The following PAMR1 variants were observed in gnomAD, a reference collection of about 807,000 sequenced individuals.
PAMR1 encodes peptidase domain containing associated with muscle regeneration 1.
Under a neutral mutation model 81.8 loss-of-function variants are expected in PAMR1, and 88 were observed. The ratio of observed to expected loss-of-function variants is 1.08; its 90% confidence interval spans 0.91 to 1.28. The LOEUF (loss-of-function observed/expected upper bound fraction) is 1.28, where lower values mean the gene tolerates loss of function less well. PAMR1 is among the 50% of genes most tolerant of loss of function. The pLI is 0.00. For synonymous variants in PAMR1, 336 were observed against 345.3 expected (o/e 0.97, Z 0.30); for missense variants, 935 against 919.7 (o/e 1.02, Z -0.21).
intron 1 of PAMR1, among the ~76,000 whole-genome samples, chr11:35,516,612 G>A (rs1044076812): frequency 2.0e-5 from 3 of 152,188 alleles, no homozygotes; most frequent in African/African-American, 4.8e-5. Flanking sequence ...ATTTAGCGAA[G>A]GCAGGAATAA....
intron 3 of PAMR1, among the ~76,000 whole-genome samples, chr11:35,490,597 G>A (rs1850603817): frequency 6.6e-6 from 1 of 152,146 alleles, no homozygotes; most frequent in Non-Finnish European, 1.5e-5. Flanking sequence ...GGCCAGCCTG[G>A]GCAACATAGT....
chr11:35,507,039 CTT>C (rs71044524), intron 1 of PAMR1, among the ~76,000 whole-genome samples: 8 of 86,838 alleles, frequency 9.2e-5, no homozygotes, highest in East Asian at 3.2e-4. Flanking sequence ...AATAGCCTGA[CTT>C]TTTTTTTTTT....
intron 6 of PAMR1, among the ~76,000 whole-genome samples, chr11:35,467,353 T>G (rs572692743): frequency 6.6e-6 from 1 of 152,178 alleles, no homozygotes; most frequent in Non-Finnish European, 1.5e-5. Flanking sequence ...CCTAGGAGAC[T>G]CTCTGTCCTC....
intron 4 of PAMR1, among the ~76,000 whole-genome samples, chr11:35,474,334 C>T (rs1222537232): frequency 6.6e-6 from 1 of 152,184 alleles, no homozygotes; most frequent in Non-Finnish European, 1.5e-5. Flanking sequence ...CAGCCCAGTC[C>T]GAGTAAGTAG....
At chr11:35,513,545 C>T (rs1461941856) in intron 1 of PAMR1, 1 of 152,198 alleles carries the variant, frequency 6.6e-6, no homozygotes, top group East Asian at 1.9e-4. Flanking sequence ...ATGCCGAGTG[C>T]TTTCCGTGTG....
intron 6 of PAMR1, among the ~76,000 whole-genome samples, chr11:35,457,205 C>G (rs1289030442): frequency 2.6e-5 from 4 of 152,152 alleles, no homozygotes; most frequent in African/African-American, 9.7e-5. Context: ...AAGGATTGCT[C>G]TCCCCCAGTG....
At chr11:35,519,559 C>T (rs187711410) in intron 1 of PAMR1, among the ~76,000 whole-genome samples, 1 of 152,324 alleles carries the variant, frequency 6.6e-6, no homozygotes, top group Non-Finnish European at 1.5e-5. Flanking sequence ...AGGTACATGA[C>T]ACCATGGACA....
intron 3 of PAMR1, among the ~76,000 whole-genome samples, chr11:35,485,791 G>C: frequency 1.5e-5 from 1 of 65,324 alleles, no homozygotes; most frequent in East Asian, 3.8e-4. Flanking sequence ...GCTCTGTATG[G>C]TACTCAGGAA....
At position 35,525,538 on chromosome 11, in the gene PAMR1, G is replaced by T; in HGVS notation, c.48C>A (p.Leu16=). Residue 16 remains leucine, a synonymous_variant, in exon 1 of 11, where the codon CTC becomes CTA. Transcript: ENST00000619888. The part of the protein sequence containing the change: ...WTQLGLTFLQ[L]LLISSLPREY... ...CTCTTGGCAAGGACGAGATGAGAAGGAGCTGAAGAAAAGTGAGCCCCAACT... is the reference window on the plus strand; with the variant it reads ...CTCTTGGCAAGGACGAGATGAGAAGTAGCTGAAGAAAAGTGAGCCCCAACT... 2 of 1,614,052 alleles carry T rather than the reference G, an allele frequency of 1.2e-6. No individual in the cohort carries two copies. Among genetic ancestry groups the T allele is most frequent in the Non-Finnish European group, 1.7e-6 (2 of 1,179,950 alleles).
At position 35,492,721 on chromosome 11, in the gene PAMR1, C is replaced by T. The variant is rs118005130; in HGVS notation, c.251-548G>A. On this transcript the variant is annotated intron_variant, in intron 2 of 10. Coordinates refer to ENST00000619888, the MANE Select transcript of PAMR1 (RefSeq NM_001001991.3). ...ATATACTTCCGTAATGAAAGCATGC[C>T]ATTGGAAACAACTCTCCTGTCTAAC... Among the ~76,000 whole-genome samples, 22 of 152,196 alleles carry T rather than the reference C, an allele frequency of 1.4e-4. No homozygotes were observed. In the East Asian group the frequency reaches 4.3e-3, roughly 29 times the overall value.
At chr11:35,501,751 A>C (rs1273655258) in intron 1 of PAMR1, among the ~76,000 whole-genome samples, 2 of 152,164 alleles carry the variant, frequency 1.3e-5, no homozygotes, top group Non-Finnish European at 2.9e-5. Flanking sequence ...ATGTAGCTGC[A>C]AATAAGAGGA....
intron 6 of PAMR1, among the ~76,000 whole-genome samples, chr11:35,463,053 G>A (rs148053737): frequency 2.6e-4 from 39 of 152,328 alleles, no homozygotes; most frequent in East Asian, 3.9e-4. Context: ...GCATCTGTCC[G>A]TGATGGGAGA....
intron 3 of PAMR1, among the ~76,000 whole-genome samples, chr11:35,491,210 C>T (rs946246238): frequency 1.3e-5 from 2 of 152,166 alleles, no homozygotes; most frequent in African/African-American, 4.8e-5. Context: ...TTCTCAGCTG[C>T]AGACCATATA....
intron 6 of PAMR1, among the ~76,000 whole-genome samples, chr11:35,457,510 A>G (rs1856561289): frequency 6.6e-6 from 1 of 152,198 alleles, no homozygotes; most frequent in Non-Finnish European, 1.5e-5. Context: ...GTGTATACAC[A>G]TATTTATATA....
chr11:35,462,653 TG>T (rs1164181787), intron 6 of PAMR1, among the ~76,000 whole-genome samples: 1 of 152,222 alleles, frequency 6.6e-6, no homozygotes, highest in Non-Finnish European at 1.5e-5. Context: ...AACAGTGGGA[TG>T]GCTCCTATTA....
chr11:35,523,430 G>A (rs533322783), intron 1 of PAMR1, among the ~76,000 whole-genome samples: 3 of 152,242 alleles, frequency 2.0e-5, no homozygotes, highest in East Asian at 1.9e-4. Flanking sequence ...CAGAGCTACC[G>A]CAATTTGGTG....
chr11:35,447,315 G>T (rs1014042854), intron 6 of PAMR1, among the ~76,000 whole-genome samples: 2 of 149,442 alleles, frequency 1.3e-5, no homozygotes, highest in Non-Finnish European at 3.0e-5. Flanking sequence ...CCATTCTCCT[G>T]TCTCAGCCTC....
At chr11:35,508,577 T>C (rs546140680) in intron 1 of PAMR1, among the ~76,000 whole-genome samples, 1 of 149,648 alleles carries the variant, frequency 6.7e-6, no homozygotes, top group Non-Finnish European at 1.5e-5. Context: ...ATGCACAGGT[T>C]TTTTTATGTA....
intron 4 of PAMR1, among the ~76,000 whole-genome samples, chr11:35,473,756 C>A (rs1850233272): frequency 6.6e-6 from 1 of 152,112 alleles, no homozygotes; most frequent in Non-Finnish European, 1.5e-5. Context: ...TCCATTTAGC[C>A]ACCCAGAATA....
Sources: allele counts gnomAD v4.1 joint callset (sites outside exome capture counted in the v4.1 genomes callset), GRCh38; gene constraint gnomAD v4.1.1; transcripts MANE v1.5; gene names NCBI Gene and HGNC (gene_info 2026-07-23, HGNC 2026-07-21).